The following BIRC6 variants were observed in gnomAD, a reference collection of about 807,000 sequenced individuals.
BIRC6 encodes the protein baculoviral IAP repeat containing 6, also known as dual E2 ubiquitin-conjugating enzyme/E3 ubiquitin-protein ligase BIRC6.
BIRC6 carries 98 observed loss-of-function variants against 503.3 expected under a neutral mutation model. The ratio of observed to expected loss-of-function variants is 0.19; its 90% CI spans 0.17 to 0.23. BIRC6 has a LOEUF of 0.23. Among genes scored for constraint, BIRC6 ranks in the 10% least tolerant of loss-of-function variants. The pLI is 1.00. For synonymous variants in BIRC6, 2,240 were observed against 2,078.7 expected (o/e 1.08, Z -2.11); for missense variants, 5,360 against 5,806.0 (o/e 0.92, Z 2.50).
rs1046930208 is a variant in BIRC6 at position 32,590,938 on chromosome 2, C to T, written c.13356-2977C>T. 5.1e-6 allele frequency: 5 copies of T among 985,720 alleles called. No individual in the cohort carries two copies. In the African/African-American group the frequency reaches 7.0e-5, roughly 14 times the overall value. The allele number at this position is 985,720 out of a possible 1,614,324, so 61.1% of individuals were successfully genotyped here. A position where few individuals can be genotyped will look rare whatever the true frequency, so the allele number is the denominator to read the frequency against. On this transcript the variant is annotated intron_variant, in intron 66 of 73. Coordinates refer to ENST00000421745, the MANE Select transcript of BIRC6 (RefSeq NM_016252.4). Reference sequence around the variant, plus strand: ...CCTACTTCCAGCTAGGTGCCTTGAACTCAAATAGCTTTTCACACAGACTTC... The same window carrying T: ...CCTACTTCCAGCTAGGTGCCTTGAATTCAAATAGCTTTTCACACAGACTTC...
At chr2:32,485,045 G>A (rs1451013978) in intron 39 of BIRC6, among the ~76,000 whole-genome samples, 5 of 152,108 alleles carry the variant, frequency 3.3e-5, no homozygotes, top group South Asian at 2.1e-4. Flanking sequence ...GCCCCACCCC[G>A]GGAATTAGTC....
intron 61 of BIRC6, among the ~76,000 whole-genome samples, chr2:32,540,376 A>G (rs1304569259): frequency 2.0e-5 from 3 of 152,056 alleles, no homozygotes; most frequent in African/African-American, 4.8e-5. Flanking sequence ...TATAAATCAT[A>G]TCCTGTTCAT....
chr2:32,477,753 A>T (rs866320029), intron 35 of BIRC6, among the ~76,000 whole-genome samples, 170 bp downstream of exon 35: 85 of 150,958 alleles, frequency 5.6e-4, no homozygotes, highest in African/African-American at 1.6e-3. Flanking sequence ...AAAAAAAAAA[A>T]GTGACTTATA....
At chr2:32,463,165 T>C (rs2048184018) in intron 23 of BIRC6, 29 bp from the exon 24 acceptor site, 1 of 1,556,004 alleles carries the variant, frequency 6.4e-7, no homozygotes, top group Non-Finnish European at 8.7e-7. Context: ...TGTTTTTTGT[T>C]TTTGTTTTTA....
At chr2:32,463,712 A>G (rs570676611) in intron 24 of BIRC6, among the ~76,000 whole-genome samples, 59 of 152,256 alleles carry the variant, frequency 3.9e-4, no homozygotes, top group Non-Finnish European at 7.2e-4. Flanking sequence ...AAAATTTTAT[A>G]GAACAGTTAA....
chr2:32,570,586 C>T (rs542086550), intron 65 of BIRC6, among the ~76,000 whole-genome samples: 11 of 152,090 alleles, frequency 7.2e-5, no homozygotes, highest in Admixed American at 3.9e-4. Flanking sequence ...GCAACCTCCA[C>T]TTTCTGGGTT....
Position 32,599,831 on chromosome 2 carries a change from T to G in BIRC6, c.13923T>G (p.Pro4641=). The G allele has an allele frequency of 6.8e-6, 11 of 1,613,914 alleles. No homozygotes were observed. The highest frequency in any genetic ancestry group is 9.3e-6 in the Non-Finnish European group (11 of 1,179,828). ...CTCAAGATTATCCCAGTTCACCCCC[T>G]CTTGTGAATCTAGAGACAACTGGTG... The part of the protein sequence containing the change: ...YFPQDYPSSP[P]LVNLETTGGH... Residue 4641 remains proline (P), a synonymous_variant, in exon 70 of 74, where the codon CCT becomes CCG. Coordinates refer to ENST00000421745, the MANE Select transcript of BIRC6 (RefSeq NM_016252.4).
At chr2:32,363,770 C>G (rs1227054623) in intron 1 of BIRC6, among the ~76,000 whole-genome samples, 1 of 152,136 alleles carries the variant, frequency 6.6e-6, no homozygotes, top group Admixed American at 6.6e-5. Context: ...GTGGGGAAGA[C>G]TAAGTGGTCA....
chr2:32,575,369 A>G lies in BIRC6; in HGVS notation c.13355+3A>G. 6.2e-7 allele frequency: 1 copy of G among 1,611,668 alleles called. No individual in the cohort carries two copies. The highest frequency in any genetic ancestry group is 8.5e-7 in the Non-Finnish European group (1 of 1,177,820). On this transcript the variant is annotated splice_donor_region_variant and intron_variant, in intron 66 of 73. Transcript: ENST00000421745. ...GATACCTATACCAACCGTTTAAGGT[A>G]CTATATACAATGTTCATTTCTCTTG...
At chr2:32,454,974 G>T (rs1267636958) in intron 23 of BIRC6, among the ~76,000 whole-genome samples, 2 of 152,122 alleles carry the variant, frequency 1.3e-5, no homozygotes, top group East Asian at 1.9e-4. Context: ...TAGTCATTTT[G>T]TAGAAACTTT....
At chr2:32,450,163 C>T (rs928688752) in intron 22 of BIRC6, among the ~76,000 whole-genome samples, 1 of 152,170 alleles carries the variant, frequency 6.6e-6, no homozygotes, top group Non-Finnish European at 1.5e-5. Context: ...GTAAAGAAGA[C>T]TCAGAACAAG....
At chr2:32,543,166 T>G in intron 61 of BIRC6, 75 bp from the exon 62 acceptor site, 1 of 1,416,138 alleles carries the variant, frequency 7.1e-7, no homozygotes, top group Non-Finnish European at 9.7e-7. Flanking sequence ...AAGAGATCAT[T>G]TAAAGTTAAG....
At chr2:32,420,704 G>A (rs1181195311) in intron 10 of BIRC6, among the ~76,000 whole-genome samples, 3 of 151,942 alleles carry the variant, frequency 2.0e-5, no homozygotes, top group African/African-American at 7.3e-5. Flanking sequence ...TAGAGATGAG[G>A]TTTTACTCTG....
chr2:32,529,580 G>T, intron 59 of BIRC6, 71 bp from the exon 60 acceptor site: 1 of 1,316,300 alleles, frequency 7.6e-7, no homozygotes, highest in East Asian at 2.6e-5. Flanking sequence ...TTTAGTAAAA[G>T]CAGATAATAA....
intron 61 of BIRC6, among the ~76,000 whole-genome samples, chr2:32,538,099 T>C (rs948341647): frequency 1.3e-5 from 2 of 152,224 alleles, no homozygotes; most frequent in African/African-American, 4.8e-5. Context: ...ATACTGCTTT[T>C]TTCTGGGGGT....
chr2:32,595,286 T>A, intron 68 of BIRC6, 142 bp downstream of exon 68: 1 of 560,424 alleles, frequency 1.8e-6, no homozygotes, highest in Non-Finnish European at 3.1e-6. Context: ...ACATTTTTTA[T>A]CATCTTTGCC....
At chr2:32,417,840 C>A (rs1475154703) in intron 10 of BIRC6, among the ~76,000 whole-genome samples, 2 of 152,062 alleles carry the variant, frequency 1.3e-5, no homozygotes, top group African/African-American at 2.4e-5. Context: ...GGTGCAGTTA[C>A]GCAATCTTGG....
At chr2:32,597,683 T>G (rs2061763650) in intron 68 of BIRC6, 68 bp from the exon 69 acceptor site, 2 of 1,155,544 alleles carry the variant, frequency 1.7e-6, no homozygotes, top group East Asian at 4.9e-5. Flanking sequence ...GACTAGTGAT[T>G]GTTTGTGATT....
intron 8 of BIRC6, among the ~76,000 whole-genome samples, chr2:32,402,012 C>T (rs1302562469): frequency 1.3e-5 from 2 of 152,148 alleles, no homozygotes; most frequent in Non-Finnish European, 2.9e-5. Flanking sequence ...TCATTAGCAC[C>T]TCAAATTATG....
Sources: allele counts gnomAD v4.1 joint callset (sites outside exome capture counted in the v4.1 genomes callset), GRCh38; gene constraint gnomAD v4.1.1; transcripts MANE v1.5; gene names NCBI Gene and HGNC (gene_info 2026-07-23, HGNC 2026-07-21).